ESYT2: variants seen among roughly 807,000 people sequenced by gnomAD.
ESYT2 encodes extended synaptotagmin-2.
ESYT2 carries 54 observed loss-of-function variants against 107.2 expected under a neutral mutation model. That is an observed-to-expected ratio of 0.50 (90% CI 0.40 to 0.63). ESYT2 has a LOEUF of 0.63. Ranked by LOEUF, ESYT2 falls within the 30% of genes least tolerant of loss-of-function variation. ESYT2 has a pLI of 0.00. For synonymous variants in ESYT2, 491 were observed against 434.1 expected, an observed-to-expected ratio of 1.13 and a Z score of -1.63; for missense variants, 1,020 against 1,094.5, an observed-to-expected ratio of 0.93 and a Z score of 0.96.
chr7:158,786,714 T>C (rs550276336), intron 6 of ESYT2, among the ~76,000 whole-genome samples: 1 of 152,244 alleles, frequency 6.6e-6, no homozygotes, highest in African/African-American at 2.4e-5. Flanking sequence ...AAACCCGTAT[T>C]TTAAAAGCCA....
intron 1 of ESYT2, 115 bp downstream of exon 1, chr7:158,828,974 G>A (rs1840545984): frequency 2.6e-5 from 38 of 1,443,716 alleles, no homozygotes; most frequent in Non-Finnish European, 3.3e-5. Flanking sequence ...GCCGGGGCAG[G>A]GCTGGGGTCT....
intron 16 of ESYT2, among the ~76,000 whole-genome samples, chr7:158,746,229 G>GAGAC (rs113878711): frequency 4.1e-5 from 6 of 148,014 alleles, no homozygotes; most frequent in African/African-American, 1.5e-4. Context: ...TACATAAATA[G>GAGAC]ACACACACAC....
rs189266717 is a variant in ESYT2, at chr7:158,805,508, G to C, written c.331-6436C>G. On this transcript the variant is annotated intron_variant, in intron 1 of 22. Coordinates refer to ENST00000275418, the MANE Select transcript of ESYT2 (RefSeq NM_001367773.1). ...CCAATAGTAAAAGGAAATTGCAGAA[G>C]ATAACCATTTTTATCTATTTCTAGT... 1.1e-4 allele frequency among the ~76,000 whole-genome samples: 17 copies of C among 152,258 alleles called. No individual in the cohort carries two copies. The East Asian group carries it at 3.3e-3, about 29-fold the overall frequency.
intron 6 of ESYT2, among the ~76,000 whole-genome samples, chr7:158,781,867 A>G (rs935179698): frequency 2.2e-4 from 17 of 77,696 alleles, no homozygotes; most frequent in Non-Finnish European, 4.7e-4. Flanking sequence ...GTGTAAGTGT[A>G]AGAACGAGAA....
At chr7:158,761,382 C>G in intron 11 of ESYT2, 114 bp downstream of exon 11, 1 of 826,170 alleles carries the variant, frequency 1.2e-6, no homozygotes, top group Non-Finnish European at 2.0e-6. Context: ...TCATGCCATA[C>G]TAATTAGGAT....
intron 1 of ESYT2, among the ~76,000 whole-genome samples, chr7:158,804,923 G>C (rs1839781622): frequency 6.6e-6 from 1 of 152,194 alleles, no homozygotes; most frequent in African/African-American, 2.4e-5. Context: ...CTTCTGTGGG[G>C]CCTGGGGAAA....
At chr7:158,736,070 A>G (rs571671553) in intron 20 of ESYT2, among the ~76,000 whole-genome samples, 1 of 152,356 alleles carries the variant, frequency 6.6e-6, no homozygotes, top group South Asian at 2.1e-4. Context: ...AGGCCTCCAA[A>G]GCACTCCCGA....
At chr7:158,750,575 ATAT>A (rs1297959588) in intron 14 of ESYT2, among the ~76,000 whole-genome samples, 8 of 152,212 alleles carry the variant, frequency 5.3e-5, no homozygotes, top group African/African-American at 1.9e-4. Context: ...ATTGGAAGAA[ATAT>A]TATTAGTTCA....
chr7:158,780,461 G>A (rs746935312), intron 6 of ESYT2, among the ~76,000 whole-genome samples: 13 of 152,174 alleles, frequency 8.5e-5, no homozygotes, highest in Non-Finnish European at 1.8e-4. Context: ...AAGCACAACT[G>A]ACCAAACATA....
At position 158,767,775 on chromosome 7, in the gene ESYT2, CTG is replaced by C; in HGVS notation, c.804-3_804-2del. On this transcript the variant is annotated splice_acceptor_variant and splice_polypyrimidine_tract_variant and intron_variant, in intron 7 of 22. Coordinates refer to ENST00000275418, the MANE Select transcript of ESYT2 (RefSeq NM_001367773.1). LOFTEE classifies it high-confidence loss of function. ...CAAAATGATAGTATCTGATAAACCA[CTG>C]TTAGTTGGGAGACAAAAAGAGCAAA... The C allele has an allele frequency of 6.2e-7, 1 of 1,608,900 alleles. No individual in the cohort carries two copies. Among genetic ancestry groups the C allele is most frequent in the Non-Finnish European group, 8.5e-7 (1 of 1,177,064 alleles).
At position 158,741,654 on chromosome 7, in the gene ESYT2, G is replaced by T. The variant is rs1837211732; in HGVS notation, c.2037C>A (p.Gly679=). The T allele has an allele frequency of 3.1e-6, 5 of 1,613,704 alleles. No individual in the cohort carries two copies. In the Admixed American group the frequency reaches 8.3e-5, roughly 27 times the overall value. Residue 679 remains glycine, a synonymous_variant, in exon 18 of 23, where the codon GGC becomes GGA. Coordinates refer to ENST00000275418, the MANE Select transcript of ESYT2 (RefSeq NM_001367773.1). ...AGGCCAGGAGGCTGGAGGAGCTTCT[G>T]CCCAGGTCGTGCAGCCCCTGAGGGC... The part of the protein sequence containing the change: ...EAGPQGLHDL[G]RSSSSLLASP...
chr7:158,782,206 TGAACGTGTGA>T (rs1838881779), intron 6 of ESYT2, among the ~76,000 whole-genome samples: 1 of 146,394 alleles, frequency 6.8e-6, no homozygotes, highest in South Asian at 2.2e-4. Flanking sequence ...AGAACAAGTG[TGAACGTGTGA>T]GAACAGATGT....
intron 10 of ESYT2, among the ~76,000 whole-genome samples, chr7:158,762,670 C>A (rs568305150): frequency 6.6e-6 from 1 of 152,160 alleles, no homozygotes; most frequent in Non-Finnish European, 1.5e-5. Context: ...TTACTATATC[C>A]TGACAAAAAT....
intron 6 of ESYT2, among the ~76,000 whole-genome samples, chr7:158,782,612 CAAAT>C (rs1350590253): frequency 1.3e-5 from 2 of 150,294 alleles, no homozygotes; most frequent in African/African-American, 4.9e-5. Context: ...GAGCGTGTGA[CAAAT>C]GAGAACATGT....
At chr7:158,764,377 G>A (rs757005177) in intron 9 of ESYT2, among the ~76,000 whole-genome samples, 2 of 152,140 alleles carry the variant, frequency 1.3e-5, no homozygotes, top group African/African-American at 2.4e-5. Context: ...ATAACCACAC[G>A]TAACATTTTA....
At chr7:158,746,982 T>G (rs11983081) in intron 16 of ESYT2, among the ~76,000 whole-genome samples, 7,232 of 144,806 alleles carry the variant, frequency 0.05, 485 homozygotes, top group African/African-American at 0.15. Flanking sequence ...AACCCAGGAG[T>G]TGGAGGCTGC....
chr7:158,791,588 T>C (rs1839295534), intron 4 of ESYT2, among the ~76,000 whole-genome samples: 1 of 152,254 alleles, frequency 6.6e-6, no homozygotes, highest in Non-Finnish European at 1.5e-5. Flanking sequence ...TGTTATTTTC[T>C]GGGTTTCTTT....
intron 3 of ESYT2, among the ~76,000 whole-genome samples, chr7:158,795,213 C>G (rs1266806951): frequency 6.6e-6 from 1 of 152,208 alleles, no homozygotes; most frequent in Admixed American, 6.5e-5. Context: ...CTATCCATCC[C>G]TTCATCAGAA....
At chr7:158,757,754 G>T (rs1837813254) in intron 13 of ESYT2, among the ~76,000 whole-genome samples, 1 of 76,422 alleles carries the variant, frequency 1.3e-5, no homozygotes, top group Admixed American at 1.5e-4. Context: ...GTCTCTCTGG[G>T]TTTTTTTTTT....
Sources: gnomAD v4.1 joint callset for allele counts (sites outside exome capture counted in the v4.1 genomes callset) on GRCh38, gnomAD v4.1.1 for gene constraint, MANE v1.5 for transcripts, NCBI Gene and HGNC (gene_info 2026-07-23, HGNC 2026-07-21) for gene names.